The following ARHGEF28 variants were observed in gnomAD, a reference collection of about 807,000 sequenced individuals.
ARHGEF28 encodes 190 kDa guanine nucleotide exchange factor.
A neutral mutation model predicts 206.6 loss-of-function variants in ARHGEF28; 152 were observed. That is an observed-to-expected ratio of 0.74 (90% CI 0.64 to 0.84). ARHGEF28 has a LOEUF of 0.84. ARHGEF28 is among the 40% of genes least tolerant of loss of function. ARHGEF28 has a pLI of 0.00. For missense variants in ARHGEF28, 2,028 were observed against 2,073.2 expected (o/e 0.98, Z 0.42); for synonymous variants, 763 against 776.4 (o/e 0.98, Z 0.29).
chr5:73,924,551 G>A (rs766011221), intron 35 of ARHGEF28, among the ~76,000 whole-genome samples: 49 of 152,272 alleles, frequency 3.2e-4, no homozygotes, highest in Middle Eastern at 3.4e-3. Context: ...TACATGATTA[G>A]GAAGTGCATT....
intron 35 of ARHGEF28, among the ~76,000 whole-genome samples, chr5:73,912,614 ATTC>A (rs1202625480): frequency 9.9e-5 from 15 of 152,240 alleles, no homozygotes; most frequent in Admixed American, 6.5e-4. Context: ...CCGTGGTAAC[ATTC>A]TTCTTTCTTG....
chr5:73,845,060 C>T, intron 11 of ARHGEF28, among the ~76,000 whole-genome samples: 1 of 146,026 alleles, frequency 6.8e-6, no homozygotes, highest in East Asian at 2.0e-4. Context: ...CTCTTTTGCC[C>T]AGGCTGGAGT....
intron 21 of ARHGEF28, among the ~76,000 whole-genome samples, chr5:73,871,593 C>T (rs899646898): frequency 2.6e-5 from 4 of 152,062 alleles, no homozygotes; most frequent in South Asian, 2.1e-4. Flanking sequence ...TCTCCTGATG[C>T]GTTTTAAAAA....
Position 73,907,990 on chromosome 5 carries a change from T to C in ARHGEF28, c.4162-1422T>C, listed in dbSNP as rs1762644544. Among the ~76,000 whole-genome samples, 7 of 152,198 alleles carry C rather than the reference T, an allele frequency of 4.6e-5. No individual in the cohort carries two copies. In the South Asian group the frequency reaches 1.4e-3, roughly 31 times the overall value. ...TCCCTAAAGATTTATTAGAATTAAG[T>C]GGTGATGTATAGTCTACAATTTTCT... On this transcript the variant is annotated intron_variant, in intron 33 of 35. Coordinates refer to ENST00000513042, the MANE Select transcript of ARHGEF28 (RefSeq NM_001177693.2).
chr5:73,684,136 T>C (rs1747287399), intron 1 of ARHGEF28, among the ~76,000 whole-genome samples: 1 of 152,188 alleles, frequency 6.6e-6, no homozygotes, highest in African/African-American at 2.4e-5. Flanking sequence ...CTAAGTACAT[T>C]CACATTGTTG....
chr5:73,883,962 C>A, intron 24 of ARHGEF28, 78 bp downstream of exon 24: 2 of 787,796 alleles, frequency 2.5e-6, no homozygotes, highest in Non-Finnish European at 3.8e-6. Context: ...AAACAGCCAT[C>A]AGTGTTTGTG....
rs375768640 is a variant in ARHGEF28, at chr5:73,746,334, T to C, written c.34-3503T>C. Reference sequence around the variant, plus strand: ...GTGGAACATCAAACACTTGGTGGAATGCAATTAAAAAGGGTGCCAAAGATT... The same window carrying C: ...GTGGAACATCAAACACTTGGTGGAACGCAATTAAAAAGGGTGCCAAAGATT... On this transcript the variant is annotated intron_variant, in intron 2 of 35. Coordinates refer to ENST00000513042, the MANE Select transcript of ARHGEF28 (RefSeq NM_001177693.2). 1.1e-4 allele frequency among the ~76,000 whole-genome samples: 16 copies of C among 152,232 alleles called. No homozygotes were observed. In the East Asian group the frequency reaches 2.5e-3, roughly 24 times the overall value.
chr5:73,767,520 C>T (rs1264573758), intron 4 of ARHGEF28, among the ~76,000 whole-genome samples: 3 of 152,114 alleles, frequency 2.0e-5, no homozygotes, highest in East Asian at 3.9e-4. Context: ...AGCAAAGAGA[C>T]TGACAGCATT....
At chr5:73,786,317 TACCTG>T (rs1406186961) in intron 7 of ARHGEF28, 2 of 152,194 alleles carry the variant, frequency 1.3e-5, no homozygotes, top group Admixed American at 1.3e-4. Context: ...TTATGTAACT[TACCTG>T]AGGTGACACT....
chr5:73,786,056 C>CAA (rs61560155), intron 7 of ARHGEF28, among the ~76,000 whole-genome samples: 97 of 76,462 alleles, frequency 1.3e-3, no homozygotes, highest in African/African-American at 3.5e-3. Context: ...TGGCAGTAAC[C>CAA]AAAAAAAAAA....
intron 13 of ARHGEF28, among the ~76,000 whole-genome samples, chr5:73,850,634 G>A (rs1180235307): frequency 1.3e-5 from 2 of 152,104 alleles, no homozygotes; most frequent in East Asian, 3.9e-4. Flanking sequence ...GATCTATGAA[G>A]TCAGATATCT....
At chr5:73,759,893 C>G (rs972839236) in intron 4 of ARHGEF28, among the ~76,000 whole-genome samples, 16 of 152,212 alleles carry the variant, frequency 1.1e-4, no homozygotes, top group African/African-American at 3.4e-4. Context: ...CAATGTTTGA[C>G]AGAGAAAAAT....
At chr5:73,834,542 CTGTGTGTG>C (rs34258155) in intron 10 of ARHGEF28, among the ~76,000 whole-genome samples, 325 of 146,294 alleles carry the variant, frequency 2.2e-3, no homozygotes, top group African/African-American at 5.6e-3. Flanking sequence ...AATAATATTC[CTGTGTGTG>C]TGTGTGTGTG....
At chr5:73,720,086 A>G in intron 2 of ARHGEF28, among the ~76,000 whole-genome samples, 1 of 152,280 alleles carries the variant, frequency 6.6e-6, no homozygotes, top group Admixed American at 6.5e-5. Context: ...CCTATAAAAT[A>G]CAAATGAGTT....
At chr5:73,868,362 A>T in intron 20 of ARHGEF28, 135 bp downstream of exon 20, 1 of 1,163,294 alleles carries the variant, frequency 8.6e-7, no homozygotes, top group Non-Finnish European at 1.2e-6. Flanking sequence ...TCTCTTTGGT[A>T]TAGGTTCTAC....
intron 29 of ARHGEF28, among the ~76,000 whole-genome samples, chr5:73,896,740 A>G (rs746003116): frequency 5.9e-5 from 9 of 152,370 alleles, no homozygotes; most frequent in Admixed American, 1.3e-4. Context: ...GCTTGATGAA[A>G]TAAATCGCCC....
chr5:73,897,818 C>A (rs1437305274), intron 29 of ARHGEF28, 144 bp from the exon 30 acceptor site: 12 of 919,660 alleles, frequency 1.3e-5, no homozygotes, highest in Non-Finnish European at 1.9e-5. Flanking sequence ...GTTTTGACAA[C>A]CTTTAAAAAT....
rs776878296 is a variant in ARHGEF28, at chr5:73,883,833, C to T, written c.3004C>T (p.Arg1002Cys). The T allele has an allele frequency of 3.8e-6, 6 of 1,577,344 alleles. No individual in the cohort carries two copies. Among genetic ancestry groups the T allele is most frequent in the South Asian group, 2.4e-5 (2 of 84,398 alleles). Residue 1002 changes from arginine to cysteine, a missense_variant, in exon 24 of 36, where the codon CGT becomes TGT. This residue lies in a region of ARHGEF28 where 223 missense variants were observed against 289.9 expected (regional missense o/e 0.77). Transcript: ENST00000513042. ...AGAATGCATTCTGTTGGTCACTCAG[C>T]GTATTACAAAATACCCTGTCTTGGT... The part of the protein sequence containing the change: ...IPECILLVTQ[R>C]ITKYPVLVER...
chr5:73,838,878 TC>T (rs35890592), intron 10 of ARHGEF28, among the ~76,000 whole-genome samples: 19,984 of 152,214 alleles, frequency 0.13, 1,415 homozygotes, highest in East Asian at 0.2. Flanking sequence ...CCAATAATGT[TC>T]CCTGTGGCAA....
Sources: gnomAD v4.1 joint callset for allele counts (sites outside exome capture counted in the v4.1 genomes callset) on GRCh38, gnomAD v4.1.1 for gene constraint, gnomAD v4.1.1 regional missense constraint, MANE v1.5 for transcripts, NCBI Gene and HGNC (gene_info 2026-07-23, HGNC 2026-07-21) for gene names.